COL13A1: variants seen among roughly 807,000 people sequenced by gnomAD.
COL13A1 encodes the protein collagen alpha-1(XIII) chain.
Under a neutral mutation model 130.9 loss-of-function variants are expected in COL13A1, and 89 were observed. The ratio of observed to expected loss-of-function variants is 0.68; its 90% confidence interval spans 0.57 to 0.81. The LOEUF (loss-of-function observed/expected upper bound fraction) is 0.81. Ranked by LOEUF, COL13A1 falls within the 30% of genes least tolerant of loss-of-function variation. The pLI, the probability that COL13A1 is intolerant of heterozygous loss-of-function variation, is 0.00. For missense variants in COL13A1, 879 were observed against 934.6 expected, an observed-to-expected ratio of 0.94 and a Z score of 0.78; for synonymous variants, 402 against 341.6, an observed-to-expected ratio of 1.18 and a Z score of -1.95.
At chr10:69,872,268 T>C in intron 4 of COL13A1, 58 bp downstream of exon 4, 1 of 1,602,166 alleles carries the variant, frequency 6.2e-7, no homozygotes, top group Non-Finnish European at 8.5e-7. Context: ...TTTCTCAGTC[T>C]GAGGACTGGC....
At chr10:69,814,259 G>A (rs1278649270) in intron 1 of COL13A1, among the ~76,000 whole-genome samples, 4 of 152,210 alleles carry the variant, frequency 2.6e-5, no homozygotes, top group Admixed American at 2.6e-4. Context: ...CAAAAGGCAG[G>A]GCTGCAGGTC....
chr10:69,821,506 G>A (rs866660823), intron 1 of COL13A1, among the ~76,000 whole-genome samples: 1 of 152,344 alleles, frequency 6.6e-6, no homozygotes, highest in Non-Finnish European at 1.5e-5. Context: ...TTCTTTCTAT[G>A]CATTAATCTT....
intron 1 of COL13A1, among the ~76,000 whole-genome samples, chr10:69,818,417 G>A (rs888882633): frequency 2.0e-5 from 3 of 152,196 alleles, no homozygotes; most frequent in African/African-American, 7.2e-5. Flanking sequence ...GTTCCTCCAT[G>A]CTAGAATCCT....
intron 38 of COL13A1, among the ~76,000 whole-genome samples, chr10:69,947,930 A>G (rs1366459140): frequency 6.6e-6 from 1 of 152,228 alleles, no homozygotes; most frequent in Non-Finnish European, 1.5e-5. Context: ...CCAAATGCCC[A>G]TGGCACCCAC....
At chr10:69,910,175 C>T (rs2063209314) in intron 17 of COL13A1, among the ~76,000 whole-genome samples, 1 of 152,098 alleles carries the variant, frequency 6.6e-6, no homozygotes, top group African/African-American at 2.4e-5. Flanking sequence ...TTCTCTCCTC[C>T]ATGCTCTGCT....
At chr10:69,881,226 G>A (rs946335230) in intron 7 of COL13A1, among the ~76,000 whole-genome samples, 7 of 152,178 alleles carry the variant, frequency 4.6e-5, no homozygotes, top group African/African-American at 1.4e-4. Flanking sequence ...ATCACCACAC[G>A]TCAGGGTGGA....
chr10:69,890,429 CTG>C (rs2061059299), intron 10 of COL13A1, among the ~76,000 whole-genome samples: 1 of 152,264 alleles, frequency 6.6e-6, no homozygotes. Flanking sequence ...GTCGCACCTA[CTG>C]TGAGGGACCA....
intron 2 of COL13A1, among the ~76,000 whole-genome samples, chr10:69,831,040 T>C (rs544954790): frequency 3.0e-4 from 45 of 152,360 alleles, no homozygotes; most frequent in African/African-American, 9.4e-4. Flanking sequence ...TAATACATTA[T>C]ATTGCTTTTA....
At chr10:69,835,431 C>G (rs1354362815) in intron 2 of COL13A1, among the ~76,000 whole-genome samples, 1 of 152,086 alleles carries the variant, frequency 6.6e-6, no homozygotes, top group Non-Finnish European at 1.5e-5. Context: ...TACCCCCACT[C>G]TTGTCATAAC....
At chr10:69,816,356 A>G (rs746020862) in intron 1 of COL13A1, among the ~76,000 whole-genome samples, 5 of 151,314 alleles carry the variant, frequency 3.3e-5, no homozygotes, top group African/African-American at 4.9e-5. Context: ...GGGCAGGTCC[A>G]AGGAGGAGTT....
Position 69,946,622 on chromosome 10 carries a change from G to T in COL13A1, c.2023-685G>T, listed in dbSNP as rs897230284. Among the ~76,000 whole-genome samples, 13 of 152,306 alleles carry T rather than the reference G, an allele frequency of 8.5e-5. No individual in the cohort carries two copies. The East Asian group carries it at 2.5e-3, about 29-fold the overall frequency. On this transcript the variant is annotated intron_variant, in intron 37 of 40. Coordinates refer to ENST00000645393, the MANE Select transcript of COL13A1 (RefSeq NM_001368882.1). ...ACCTTGAAAAGAGGGTCTAGCAAGAGCCTGGCAGGAGAGCCTTGGGAACTC... is the reference window on the plus strand; with the variant it reads ...ACCTTGAAAAGAGGGTCTAGCAAGATCCTGGCAGGAGAGCCTTGGGAACTC...
chr10:69,824,924 G>T (rs1847116206), intron 2 of COL13A1, among the ~76,000 whole-genome samples: 1 of 152,198 alleles, frequency 6.6e-6, no homozygotes, highest in Admixed American at 6.5e-5. Flanking sequence ...GACTGGAATG[G>T]CCACACGGAA....
At chr10:69,847,197 G>T (rs1853387664) in intron 2 of COL13A1, among the ~76,000 whole-genome samples, 2 of 152,146 alleles carry the variant, frequency 1.3e-5, no homozygotes, top group South Asian at 4.2e-4. Context: ...AAATTCTTAT[G>T]CTCATTTTAC....
intron 2 of COL13A1, among the ~76,000 whole-genome samples, chr10:69,847,939 A>T (rs927306562): frequency 1.3e-5 from 2 of 152,258 alleles, no homozygotes; most frequent in Non-Finnish European, 2.9e-5. Flanking sequence ...AAGGCATAAG[A>T]GACCCTTCTG....
intron 7 of COL13A1, among the ~76,000 whole-genome samples, chr10:69,880,801 A>C (rs528392249): frequency 1.3e-5 from 2 of 152,342 alleles, no homozygotes; most frequent in African/African-American, 4.8e-5. Context: ...TCTAGCCACG[A>C]AACTACAGCA....
chr10:69,822,886 T>C (rs1402185471), intron 2 of COL13A1, among the ~76,000 whole-genome samples: 1 of 152,218 alleles, frequency 6.6e-6, no homozygotes. Flanking sequence ...TTATTTTCTA[T>C]AGCTAGCTGG....
chr10:69,950,849 G>C (rs2069422371), intron 38 of COL13A1, among the ~76,000 whole-genome samples: 1 of 151,552 alleles, frequency 6.6e-6, no homozygotes, highest in Admixed American at 6.6e-5. Flanking sequence ...ATATTATTTT[G>C]TTTGTTTGTT....
intron 17 of COL13A1, among the ~76,000 whole-genome samples, chr10:69,906,095 C>A (rs1223803080): frequency 6.6e-6 from 1 of 152,212 alleles, no homozygotes; most frequent in Non-Finnish European, 1.5e-5. Context: ...CACTCCTGCA[C>A]AAATAACCCC....
In COL13A1 at chr10:69,880,485, C is replaced by T. The variant is rs749495179; in HGVS notation, c.463-18C>T. ...TCCCTGCCCCTCGCTCCCTCTCCCCCTTCCTCTCTCCCCGCAGGGGTCCCC... is the reference window on the plus strand; with the variant it reads ...TCCCTGCCCCTCGCTCCCTCTCCCCTTTCCTCTCTCCCCGCAGGGGTCCCC... On this transcript the variant is annotated intron_variant, in intron 6 of 40. Coordinates refer to ENST00000645393, the MANE Select transcript of COL13A1 (RefSeq NM_001368882.1). The T allele has an allele frequency of 5.2e-6, 8 of 1,527,398 alleles. No individual in the cohort carries two copies. In the Admixed American group the frequency reaches 1.0e-4, roughly 19 times the overall value. 94.6% of individuals were successfully genotyped at this position (1,527,398 alleles called of 1,614,324 possible). A position where few individuals can be genotyped will look rare whatever the true frequency, so the allele number is the denominator to read the frequency against.
Sources: gnomAD v4.1 joint callset for allele counts (sites outside exome capture counted in the v4.1 genomes callset) on GRCh38, gnomAD v4.1.1 for gene constraint, MANE v1.5 for transcripts, NCBI Gene and HGNC (gene_info 2026-07-23, HGNC 2026-07-21) for gene names.